Variants in TOM1 observed in about 807,000 individuals in gnomAD.
The protein encoded by TOM1 is target of myb1 membrane trafficking protein.
In TOM1, 38 loss-of-function variants were observed where a neutral mutation model predicts 61.3. The observed-to-expected ratio is 0.62, with a 90% CI of 0.48 to 0.81. The LOEUF (loss-of-function observed/expected upper bound fraction) is 0.81. Ranked by LOEUF, TOM1 falls within the 40% of genes least tolerant of loss-of-function variation. The pLI, the probability that TOM1 is intolerant of heterozygous loss-of-function variation, is 0.00. For synonymous variants in TOM1, 270 were observed against 268.8 expected (o/e 1.00, Z -0.04); for missense variants, 591 against 659.6 (o/e 0.90, Z 1.14).
In TOM1 at chr22:35,338,730, C is replaced by G; in HGVS notation, c.1166C>G (p.Pro389Arg). The G allele has an allele frequency of 6.3e-7, 1 of 1,595,462 alleles. No homozygotes were observed. Among genetic ancestry groups the G allele is most frequent in the Non-Finnish European group, 8.5e-7 (1 of 1,171,780 alleles). ...TCTTTCAGGGTAAAATACGAAGCCC[C>G]CCAAGCAACAGACGGCCTGGCTGGA... Reference protein sequence around the residue: ...DQRKEVKYEAPQATDGLAGAL... With the variant: ...DQRKEVKYEARQATDGLAGAL... The change falls in exon 12 of 15, where the codon CCC becomes CGC. Residue 389 changes from proline (P) to arginine (R), a missense_variant. By Grantham distance (103) the Pro-to-Arg change is moderately radical. Transcript: ENST00000449058.
In TOM1 at chr22:35,346,933, A is replaced by G; in HGVS notation, c.1288A>G (p.Asn430Asp). The G allele has an allele frequency of 3.1e-6, 5 of 1,612,492 alleles. No individual in the cohort carries two copies. Among genetic ancestry groups the G allele is most frequent in the Non-Finnish European group, 4.2e-6 (5 of 1,179,396 alleles). The change falls in exon 14 of 15, where the codon AAT becomes GAT. Residue 430 changes from asparagine (N) to aspartate (D), a missense_variant. Coordinates refer to ENST00000449058, the MANE Select transcript of TOM1 (RefSeq NM_005488.3). ...TCCTTTCCTTCTACCTTCCCAGGGT[A>G]ATGATGCGGAAGAGCCTAAGGGGGT... ...IEQWLSTDVG[N>D]DAEEPKGVTS...
intron 11 of TOM1, 41 bp from the exon 12 acceptor site, chr22:35,338,672 G>T: frequency 6.7e-7 from 1 of 1,493,920 alleles, no homozygotes; most frequent in South Asian, 1.3e-5. Context: ...ATCAGCCATC[G>T]GTAAGGGCAG....
At chr22:35,314,776 TG>T (rs1361138046) in intron 1 of TOM1, among the ~76,000 whole-genome samples, 1 of 152,168 alleles carries the variant, frequency 6.6e-6, no homozygotes, top group African/African-American at 2.4e-5. Context: ...GAGATGCGGA[TG>T]GCACAGAAGC....
chr22:35,335,973 C>T (rs1929287528), intron 11 of TOM1, among the ~76,000 whole-genome samples: 1 of 152,162 alleles, frequency 6.6e-6, no homozygotes, highest in South Asian at 2.1e-4. Flanking sequence ...GGGAAAGATG[C>T]TCTTCACACA....
At chr22:35,301,640 A>T (rs1925800322) in intron 1 of TOM1, among the ~76,000 whole-genome samples, 1 of 152,090 alleles carries the variant, frequency 6.6e-6, no homozygotes, top group Admixed American at 6.5e-5. Context: ...AACCTCACGA[A>T]AGCTTGTCGA....
At chr22:35,308,619 G>C (rs2267330) in intron 1 of TOM1, among the ~76,000 whole-genome samples, 75,836 of 151,716 alleles carry the variant, frequency 0.5, 22,436 homozygotes, top group African/African-American at 0.84. Context: ...CTAATACAAA[G>C]CCCACTCCAC....
At chr22:35,309,632 A>C (rs1282186604) in intron 1 of TOM1, among the ~76,000 whole-genome samples, 1 of 137,014 alleles carries the variant, frequency 7.3e-6, no homozygotes, top group Non-Finnish European at 1.6e-5. Flanking sequence ...CAACAGAGTG[A>C]GACTCCATCT....
At chr22:35,330,582 T>C in intron 8 of TOM1, 102 bp downstream of exon 8, 2 of 1,219,216 alleles carry the variant, frequency 1.6e-6, no homozygotes, top group Admixed American at 4.9e-5. Flanking sequence ...CCTTCTCTCG[T>C]CCTCCTCTCA....
chr22:35,324,851 A>G (rs186178089), intron 6 of TOM1, among the ~76,000 whole-genome samples: 131 of 152,364 alleles, frequency 8.6e-4, no homozygotes, highest in Non-Finnish European at 8.5e-4. Context: ...CACCCAGCCA[A>G]GAAGGTTTGA....
At chr22:35,332,938 G>C (rs988023179) in intron 8 of TOM1, 43 bp from the exon 9 acceptor site, 2 of 1,610,094 alleles carry the variant, frequency 1.2e-6, no homozygotes, top group African/African-American at 2.7e-5. Context: ...GTGGGGGCCT[G>C]TCTCAGTCTG....
chr22:35,301,922 T>A (rs1161955963), intron 1 of TOM1, among the ~76,000 whole-genome samples: 1 of 152,206 alleles, frequency 6.6e-6, no homozygotes, highest in Non-Finnish European at 1.5e-5. Context: ...TTTTATCACA[T>A]GCCAAGTTTA....
intron 1 of TOM1, among the ~76,000 whole-genome samples, chr22:35,303,131 A>AACACACACACAC (rs138739): frequency 0.024 from 3,617 of 149,232 alleles, 49 homozygotes; most frequent in South Asian, 0.042. Flanking sequence ...CTCCCCTCCC[A>AACACACACACAC]ACACACACAC....
At chr22:35,318,091 G>A (rs997124160) in intron 2 of TOM1, 130 bp downstream of exon 2, 42 of 813,824 alleles carry the variant, frequency 5.2e-5, no homozygotes, top group East Asian at 1.3e-4. Context: ...GACCCAACCC[G>A]CTTGGCTGCA....
chr22:35,334,197 C>T lies in TOM1; in HGVS notation c.1028-131C>T, dbSNP rs529418558. ...CCACAGCCAGCAGCAGGTGGCCTGC[C>T]TCGCGCATTCCCCCACCCACACGTG... On this transcript the variant is annotated intron_variant, in intron 10 of 14. Transcript: ENST00000449058. 24 of 1,299,086 alleles carry T rather than the reference C, an allele frequency of 1.8e-5. No homozygotes were observed. In the East Asian group the frequency reaches 5.4e-4, roughly 29 times the overall value. 80.5% of individuals were successfully genotyped at this position (1,299,086 alleles called of 1,614,324 possible).
At chr22:35,324,772 A>T (rs949773171) in intron 6 of TOM1, among the ~76,000 whole-genome samples, 8 of 151,950 alleles carry the variant, frequency 5.3e-5, no homozygotes, top group African/African-American at 1.9e-4. Context: ...CTAGTCTCGA[A>T]CTCCTGAGCT....
At chr22:35,345,272 C>A (rs1243383918) in intron 12 of TOM1, 6 of 202,310 alleles carry the variant, frequency 3.0e-5, no homozygotes, top group Admixed American at 1.0e-4. Context: ...CTGGGGACCC[C>A]TGGCCCACTA....
At chr22:35,321,872 A>G (rs1162210058) in intron 2 of TOM1, 87 bp from the exon 3 acceptor site, 37 of 1,148,760 alleles carry the variant, frequency 3.2e-5, no homozygotes, top group Middle Eastern at 3.8e-4. Flanking sequence ...GGATGGGCCA[A>G]TAAGAACTGT....
rs1929031665 is a variant in TOM1 at position 35,333,662 on chromosome 22, G to T, written c.1027+165G>T. 2.6e-5 allele frequency among the ~76,000 whole-genome samples: 4 copies of T among 152,120 alleles called. No individual in the cohort carries two copies. In the South Asian group the frequency reaches 6.2e-4, roughly 24 times the overall value. The stretch of plus-strand genomic sequence containing the variant: ...TCTTGCTGCAAGGTGGGGCACTCGG[G>T]GTCACTGCCCCTGGCAGCCCCACAA... On this transcript the variant is annotated intron_variant, in intron 10 of 14. Transcript: ENST00000449058.
chr22:35,321,996 G>A lies in TOM1; in HGVS notation c.175G>A (p.Val59Met), dbSNP rs780990957. ...DALRAVKKRIVGNKNFHEVML... is the reference protein window; with the variant it reads ...DALRAVKKRIMGNKNFHEVML... ...CCTCCGAGCAGTAAAGAAGAGAATC[G>A]TGGGGAATAAGAACTTCCACGAGGT... The change falls in exon 3 of 15, where the codon GTG becomes ATG. Residue 59 changes from valine to methionine, a missense_variant. By Grantham distance (21) the Val-to-Met change is conservative. Coordinates refer to ENST00000449058, the MANE Select transcript of TOM1 (RefSeq NM_005488.3). 3.0e-5 allele frequency: 49 copies of A among 1,614,162 alleles called. No individual in the cohort carries two copies. In the East Asian group the frequency reaches 4.5e-4, roughly 15 times the overall value.
Sources: allele counts gnomAD v4.1 joint callset (sites outside exome capture counted in the v4.1 genomes callset), GRCh38; gene constraint gnomAD v4.1.1; transcripts MANE v1.5; gene names NCBI Gene and HGNC (gene_info 2026-07-23, HGNC 2026-07-21).